The following WDR3 variants were observed in gnomAD, a reference collection of about 807,000 sequenced individuals.
The protein encoded by WDR3 is WD repeat domain 3.
Under a neutral mutation model 123.7 loss-of-function variants are expected in WDR3, and 81 were observed. That is an observed-to-expected ratio of 0.65 (90% CI 0.55 to 0.79). The LOEUF is 0.79. Among genes scored for constraint, WDR3 ranks in the 30% least tolerant of loss-of-function variants. The pLI is 0.00. For synonymous variants in WDR3, 390 were observed against 388.8 expected (o/e 1.00, Z -0.04); for missense variants, 1,027 against 1,123.2 (o/e 0.91, Z 1.22).
chr1:117,953,342 A>T, intron 20 of WDR3, 134 bp from the exon 21 acceptor site: 1 of 853,632 alleles, frequency 1.2e-6, no homozygotes, highest in Non-Finnish European at 1.9e-6. Context: ...AAGTTCTGTT[A>T]CTGGTAGCTG....
intron 10 of WDR3, 56 bp from the exon 11 acceptor site, chr1:117,943,340 T>C: frequency 6.9e-7 from 1 of 1,455,346 alleles, no homozygotes; most frequent in South Asian, 1.2e-5. Flanking sequence ...CTGGAAAAAG[T>C]AAACCTTGTG....
At position 117,953,465 on chromosome 1, in the gene WDR3, GT is replaced by G; in HGVS notation, c.2203-8del. 1 of 1,612,298 alleles carries G rather than the reference GT, an allele frequency of 6.2e-7. No homozygotes were observed. Among genetic ancestry groups the G allele is most frequent in the Non-Finnish European group, 8.5e-7 (1 of 1,178,904 alleles). On this transcript the variant is annotated splice_polypyrimidine_tract_variant and intron_variant, in intron 20 of 26. Transcript: ENST00000349139. ...AACAGTGTTATTCAAGGATTTCTTT[GT>G]TTCTGGCAGGTTCCAGGAGAGACTC...
intron 12 of WDR3, among the ~76,000 whole-genome samples, chr1:117,946,631 G>A (rs1362655515): frequency 6.6e-6 from 1 of 152,018 alleles, no homozygotes; most frequent in African/African-American, 2.4e-5. Context: ...TTTGGATTTA[G>A]TTTCTGCCCT....
At chr1:117,938,379 C>T in intron 4 of WDR3, 101 bp from the exon 5 acceptor site, 1 of 851,690 alleles carries the variant, frequency 1.2e-6, no homozygotes, top group Non-Finnish European at 1.9e-6. Flanking sequence ...ATTATTGAAG[C>T]ATATGTTCCT....
intron 8 of WDR3, 125 bp downstream of exon 8, chr1:117,941,350 G>C: frequency 1.2e-6 from 1 of 841,632 alleles, no homozygotes; most frequent in Non-Finnish European, 1.8e-6. Context: ...ATATGGTACT[G>C]TGTGGACCTA....
chr1:117,935,235 C>T (rs1453818567), intron 3 of WDR3, among the ~76,000 whole-genome samples: 2 of 152,024 alleles, frequency 1.3e-5, no homozygotes, highest in African/African-American at 2.4e-5. Context: ...ATTTATATAG[C>T]TAAAGCTATG....
At chr1:117,932,586 G>A (rs1571006820) in intron 1 of WDR3, among the ~76,000 whole-genome samples, 1 of 152,150 alleles carries the variant, frequency 6.6e-6, no homozygotes, top group South Asian at 2.1e-4. Context: ...CTAGAATGGT[G>A]CCTGTCTAAT....
Position 117,957,150 on chromosome 1 carries a change from G to T in WDR3, c.2536G>T (p.Gly846Cys). ...ACTCTTTAACGAATTCATTCAGCTG[G>T]GCTCTGATGTTGAACTTATATGCCG... ...LKLFNEFIQL[G>C]SDVELICRCL... Residue 846 changes from glycine (G) to cysteine (C), a missense_variant, in exon 25 of 27, where the codon GGC becomes TGC. Gly to Cys is a radical substitution (Grantham distance 159, BLOSUM62 -3). Coordinates refer to ENST00000349139, the MANE Select transcript of WDR3 (RefSeq NM_006784.3). 4 of 1,612,154 alleles carry T rather than the reference G, an allele frequency of 2.5e-6. No homozygotes were observed. The highest frequency in any genetic ancestry group is 3.4e-6 in the Non-Finnish European group (4 of 1,179,294).
intron 11 of WDR3, among the ~76,000 whole-genome samples, chr1:117,944,760 G>A (rs1651309895): frequency 6.6e-6 from 1 of 152,148 alleles, no homozygotes; most frequent in Non-Finnish European, 1.5e-5. Flanking sequence ...GGAGTGCATT[G>A]ATGTGATCTC....
chr1:117,953,205 TAATTATTCTGTC>T (rs1011440269), intron 20 of WDR3, among the ~76,000 whole-genome samples: 4 of 152,162 alleles, frequency 2.6e-5, no homozygotes, highest in Admixed American at 2.6e-4. Flanking sequence ...TGCTACTGAA[TAATTATTCTGTC>T]AATTGAGACT....
intron 10 of WDR3, among the ~76,000 whole-genome samples, chr1:117,942,753 A>G (rs1166679911): frequency 6.6e-6 from 1 of 152,064 alleles, no homozygotes; most frequent in Non-Finnish European, 1.5e-5. Flanking sequence ...CTTTTTAGCT[A>G]GTCATTTACT....
At chr1:117,931,500 T>G (rs1378074832) in intron 1 of WDR3, among the ~76,000 whole-genome samples, 1 of 152,140 alleles carries the variant, frequency 6.6e-6, no homozygotes, top group South Asian at 2.1e-4. Flanking sequence ...AGAAGTAAGG[T>G]AGGCTTGGTT....
At chr1:117,930,077 C>T (rs1048366149) in intron 1 of WDR3, among the ~76,000 whole-genome samples, 4 of 152,194 alleles carry the variant, frequency 2.6e-5, no homozygotes, top group African/African-American at 4.8e-5. Context: ...CCTCCGTCAC[C>T]CTCCCCTGAC....
chr1:117,959,676 T>G lies in WDR3; in HGVS notation c.*229T>G, dbSNP rs1485779744. 2 of 369,774 alleles carry G rather than the reference T, an allele frequency of 5.4e-6. No homozygotes were observed. Among genetic ancestry groups the G allele is most frequent in the Non-Finnish European group, 9.5e-6 (2 of 210,816 alleles). 22.9% of individuals were successfully genotyped at this position (369,774 alleles called of 1,614,324 possible). A position where few individuals can be genotyped will look rare whatever the true frequency, so the allele number is the denominator to read the frequency against. On this transcript the variant is annotated 3_prime_UTR_variant, in exon 27 of 27. Transcript: ENST00000349139. ...CATTATTAGTTTAAAAATCTTTCTG[T>G]GCTCTCAAAGCTTGAGCCTTGCAGC...
intron 1 of WDR3, among the ~76,000 whole-genome samples, chr1:117,930,439 C>G (rs1265910414): frequency 2.0e-5 from 3 of 152,108 alleles, no homozygotes; most frequent in Non-Finnish European, 4.4e-5. Flanking sequence ...AATACAAGGT[C>G]GCGGGACGAG....
chr1:117,943,366 T>A (rs72697552), intron 10 of WDR3, 30 bp from the exon 11 acceptor site: 24 of 1,572,236 alleles, frequency 1.5e-5, no homozygotes, highest in Admixed American at 3.5e-5. Context: ...AGATGGTAGC[T>A]AGAACATTTA....
chr1:117,959,002 G>T lies in WDR3; in HGVS notation c.2675G>T (p.Arg892Leu), dbSNP rs374145170. 1.2e-6 allele frequency: 2 copies of T among 1,613,388 alleles called. No homozygotes were observed. The highest frequency in any genetic ancestry group is 2.7e-5 in the African/African-American group (2 of 74,868). Residue 892 changes from arginine to leucine, a missense_variant and splice_region_variant, in exon 26 of 27, where the codon CGG (arginine) becomes CTG (leucine). By Grantham distance (102) the Arg-to-Leu change is moderately radical (BLOSUM62 -2). Coordinates refer to ENST00000349139, the MANE Select transcript of WDR3 (RefSeq NM_006784.3). ...ACTATTTCAAAAGTCAGCCAAGTCCGGGTAAGTGTCTTTGTATAGAGATAA... is the reference window on the plus strand; with the variant it reads ...ACTATTTCAAAAGTCAGCCAAGTCCTGGTAAGTGTCTTTGTATAGAGATAA... ...ETTISKVSQV[R>L]DVIGFNMAGL...
chr1:117,936,574 T>A (rs891355312), intron 3 of WDR3, among the ~76,000 whole-genome samples, 195 bp from the exon 4 acceptor site: 7 of 152,152 alleles, frequency 4.6e-5, no homozygotes, highest in African/African-American at 1.7e-4. Context: ...ACTAGAGCAA[T>A]AACAATGTCT....
Position 117,964,045 on chromosome 1 carries a change from C to G in WDR3, c.*4598C>G, listed in dbSNP as rs1478895789. 3.9e-6 allele frequency: 5 copies of G among 1,293,000 alleles called. No individual in the cohort carries two copies. The highest frequency in any genetic ancestry group is 1.5e-5 in the African/African-American group (1 of 67,282). The allele number at this position is 1,293,000 out of a possible 1,614,324, so 80.1% of individuals were successfully genotyped here. A position where few individuals can be genotyped will look rare whatever the true frequency, so the allele number is the denominator to read the frequency against. Reference sequence around the variant, plus strand: ...AATTTCTTCTCTGGCAACATCAGTTCAATTTTAGGTAACTGTCTATCCAAT... The same window carrying G: ...AATTTCTTCTCTGGCAACATCAGTTGAATTTTAGGTAACTGTCTATCCAAT... On this transcript the variant is annotated 3_prime_UTR_variant, in exon 27 of 27. Transcript: ENST00000349139.
Sources: gnomAD v4.1 joint callset for allele counts (sites outside exome capture counted in the v4.1 genomes callset) on GRCh38, gnomAD v4.1.1 for gene constraint, MANE v1.5 for transcripts, NCBI Gene and HGNC (gene_info 2026-07-23, HGNC 2026-07-21) for gene names.